The following TTC29 variants were observed in gnomAD, a reference collection of about 807,000 sequenced individuals.
TTC29 encodes the protein tetratricopeptide repeat domain 29, also known as tetratricopeptide repeat protein 29.
A neutral mutation model predicts 58.1 loss-of-function variants in TTC29; 49 were observed. The observed-to-expected ratio is 0.84, with a 90% CI of 0.67 to 1.07. The LOEUF is 1.07. Among genes scored for constraint, TTC29 ranks in the 50% least tolerant of loss-of-function variants. TTC29 has a pLI of 0.00. For synonymous variants in TTC29, 209 were observed against 196.8 expected (o/e 1.06, Z -0.52); for missense variants, 582 against 555.6 (o/e 1.05, Z -0.48).
At chr4:146,821,909 C>T (rs1243277656) in intron 9 of TTC29, among the ~76,000 whole-genome samples, 1 of 150,654 alleles carries the variant, frequency 6.6e-6, no homozygotes, top group East Asian at 2.0e-4. Context: ...TCAATTGTGA[C>T]AGGTACTGAC....
chr4:146,847,926 A>G (rs76583970), intron 8 of TTC29, among the ~76,000 whole-genome samples: 1,587 of 152,262 alleles, frequency 0.01, 29 homozygotes, highest in African/African-American at 0.036. Flanking sequence ...TTGGTGCCTA[A>G]ATCCTCCCAC....
chr4:146,869,143 A>C (rs1730768765), intron 7 of TTC29, among the ~76,000 whole-genome samples: 1 of 149,266 alleles, frequency 6.7e-6, no homozygotes, highest in Admixed American at 6.7e-5. Context: ...TAAATTACCC[A>C]CCCTCAGATA....
chr4:146,849,492 C>A (rs550362479), intron 8 of TTC29, among the ~76,000 whole-genome samples: 1 of 152,150 alleles, frequency 6.6e-6, no homozygotes, highest in Non-Finnish European at 1.5e-5. Context: ...CAGGGACATT[C>A]ATCGCAGCCC....
rs557523293 is a variant in TTC29 at position 146,819,289 on chromosome 4, G to A, written c.1101+836C>T. Among the ~76,000 whole-genome samples the A allele has an allele frequency of 1.2e-4, 19 of 152,222 alleles. 1 individual carries two copies. The South Asian group carries it at 3.9e-3, about 32-fold the overall frequency. Reference sequence around the variant, plus strand: ...AAGGTCACAGATCTTACAAGTGAAAGAGCTGGGTTTTTAACTCAAGCAGTG... The same window carrying A: ...AAGGTCACAGATCTTACAAGTGAAAAAGCTGGGTTTTTAACTCAAGCAGTG... On this transcript the variant is annotated intron_variant, in intron 10 of 12. Transcript: ENST00000325106.
At chr4:146,895,751 A>C (rs186085023) in intron 6 of TTC29, among the ~76,000 whole-genome samples, 111 of 152,254 alleles carry the variant, frequency 7.3e-4, no homozygotes, top group Non-Finnish European at 1.3e-3. Flanking sequence ...TTTCTTATGA[A>C]TTTGTTTTAT....
intron 6 of TTC29, among the ~76,000 whole-genome samples, chr4:146,882,868 G>C (rs1336881388): frequency 6.6e-6 from 1 of 152,034 alleles, no homozygotes; most frequent in Non-Finnish European, 1.5e-5. Context: ...ATATTTAGAT[G>C]AGTATGGAGG....
At chr4:146,831,290 G>A (rs995568465) in intron 9 of TTC29, among the ~76,000 whole-genome samples, 1 of 151,920 alleles carries the variant, frequency 6.6e-6, no homozygotes, top group Non-Finnish European at 1.5e-5. Context: ...AAATAGATAG[G>A]TTCTCACTAT....
At position 146,884,700 on chromosome 4, in the gene TTC29, C is replaced by T. The variant is rs997768448; in HGVS notation, c.587-9772G>A. Among the ~76,000 whole-genome samples, 34 of 151,934 alleles carry T rather than the reference C, an allele frequency of 2.2e-4. 1 individual carries two copies. The highest frequency in any genetic ancestry group is 2.9e-5 in the Non-Finnish European group (2 of 67,944). ...CTCCCAAGGAACTTGCTTAGTTGTA[C>T]AAAAGGTGTAACGAGACTGGAAAGT... is the stretch of plus-strand genomic sequence containing the variant. On this transcript the variant is annotated intron_variant, in intron 6 of 12. Transcript: ENST00000325106.
intron 2 of TTC29, among the ~76,000 whole-genome samples, chr4:146,943,169 C>CTTTTTTTTTTTTTTTTTTTTTTTTTT (rs61184684): frequency 3.4e-5 from 2 of 59,474 alleles, no homozygotes; most frequent in Non-Finnish European, 7.3e-5. Context: ...ATCAACTGTG[C>CTTTTTTTTTTTTTTTTTTTTTTTTTT]TTTTTTTTTT....
chr4:146,732,107 AC>A (rs765218203), intron 11 of TTC29, among the ~76,000 whole-genome samples: 1 of 152,124 alleles, frequency 6.6e-6, no homozygotes. Context: ...GTGCTGTTAA[AC>A]TGCTAGGAGA....
At chr4:146,750,484 A>ATATG (rs1263655704) in intron 11 of TTC29, among the ~76,000 whole-genome samples, 1 of 152,234 alleles carries the variant, frequency 6.6e-6, no homozygotes, top group Non-Finnish European at 1.5e-5. Context: ...CATCTCTAGT[A>ATATG]TGAAGGTTAA....
chr4:146,881,087 A>C (rs960534777), intron 6 of TTC29, among the ~76,000 whole-genome samples: 1 of 152,172 alleles, frequency 6.6e-6, no homozygotes, highest in African/African-American at 2.4e-5. Context: ...CTCTGTCCAG[A>C]TCTGACATTA....
At chr4:146,780,694 A>T (rs1480656229) in intron 11 of TTC29, among the ~76,000 whole-genome samples, 1 of 151,414 alleles carries the variant, frequency 6.6e-6, no homozygotes, top group Non-Finnish European at 1.5e-5. Context: ...GTACACACAC[A>T]CACACATATA....
chr4:146,907,657 C>T (rs1733614487), intron 5 of TTC29, among the ~76,000 whole-genome samples: 1 of 152,056 alleles, frequency 6.6e-6, no homozygotes, highest in Non-Finnish European at 1.5e-5. Flanking sequence ...GCCATCATGC[C>T]CGGCTAATTT....
rs555719985 is a variant in TTC29 at position 146,906,887 on chromosome 4, CAAGGTAGGAGAATCACTT to C, written c.400+2121_400+2138del. ...CTGTAATCCCAGCTCTTTGGGAGAC[CAAGGTAGGAGAATCACTT>C]GAGGTTAGGAGTTCGAGACCAGCCT... On this transcript the variant is annotated intron_variant, in intron 5 of 12. Transcript: ENST00000325106. Among the ~76,000 whole-genome samples, 7 of 152,250 alleles carry C rather than the reference CAAGGTAGGAGAATCACTT, an allele frequency of 4.6e-5. No homozygotes were observed. In the East Asian group the frequency reaches 1.4e-3, roughly 29 times the overall value.
chr4:146,712,444 G>A (rs1341438289), intron 11 of TTC29, among the ~76,000 whole-genome samples: 1 of 152,158 alleles, frequency 6.6e-6, no homozygotes, highest in Admixed American at 6.6e-5. Flanking sequence ...TCTTTGGCAT[G>A]GTCTACCTTG....
intron 8 of TTC29, among the ~76,000 whole-genome samples, chr4:146,841,473 A>C (rs774688207): frequency 6.6e-6 from 1 of 152,140 alleles, no homozygotes; most frequent in African/African-American, 2.4e-5. Flanking sequence ...AGCAAAAAAA[A>C]CACCATAGAA....
chr4:146,892,588 G>A (rs1732452245), intron 6 of TTC29, among the ~76,000 whole-genome samples: 1 of 152,112 alleles, frequency 6.6e-6, no homozygotes, highest in South Asian at 2.1e-4. Context: ...TACTGAATGG[G>A]CAAAAACTGG....
chr4:146,724,358 C>A (rs1395033233), intron 11 of TTC29, among the ~76,000 whole-genome samples: 1 of 151,846 alleles, frequency 6.6e-6, no homozygotes, highest in Admixed American at 6.6e-5. Context: ...TGCATGTGTA[C>A]CCCCCAAATC....
Sources: allele counts gnomAD v4.1 joint callset (sites outside exome capture counted in the v4.1 genomes callset), GRCh38; gene constraint gnomAD v4.1.1; transcripts MANE v1.5; gene names NCBI Gene and HGNC (gene_info 2026-07-23, HGNC 2026-07-21).